The following NGEF variants were observed in gnomAD, a reference collection of about 807,000 sequenced individuals.
NGEF encodes the protein neuronal guanine nucleotide exchange factor.
Under a neutral mutation model 80.9 loss-of-function variants are expected in NGEF, and 31 were observed. That is an observed-to-expected ratio of 0.38 (90% confidence interval 0.29 to 0.52). The LOEUF (loss-of-function observed/expected upper bound fraction) is 0.52. Among genes scored for constraint, NGEF ranks in the 20% least tolerant of loss-of-function variants. NGEF has a pLI of 0.84. For missense variants in NGEF, 709 were observed against 926.2 expected, an observed-to-expected ratio of 0.77 and a Z score of 3.04; for synonymous variants, 371 against 370.2, an observed-to-expected ratio of 1.00 and a Z score of -0.03.
intron 3 of NGEF, among the ~76,000 whole-genome samples, chr2:232,935,651 G>A (rs1198033076): frequency 6.6e-6 from 1 of 152,064 alleles, no homozygotes; most frequent in Non-Finnish European, 1.5e-5. Flanking sequence ...AGACCACATA[G>A]CTAGCTAATG....
At chr2:232,986,145 C>A (rs1419521434) in intron 1 of NGEF, among the ~76,000 whole-genome samples, 3 of 151,882 alleles carry the variant, frequency 2.0e-5, no homozygotes, top group African/African-American at 7.3e-5. Context: ...TAGAAAAAGA[C>A]AAAACAATGA....
At chr2:232,948,155 G>A (rs1013064931) in intron 3 of NGEF, among the ~76,000 whole-genome samples, 3 of 147,366 alleles carry the variant, frequency 2.0e-5, no homozygotes, top group African/African-American at 7.9e-5. Flanking sequence ...AGATGTGTGT[G>A]TGTGTGTGTG....
chr2:232,924,179 G>A (rs1083518), intron 4 of NGEF, among the ~76,000 whole-genome samples: 65,756 of 151,732 alleles, frequency 0.43, 14,310 homozygotes, highest in Admixed American at 0.46. Flanking sequence ...GGAGGCTGCA[G>A]TGAGCCGAGA....
intron 1 of NGEF, among the ~76,000 whole-genome samples, chr2:232,991,132 TTTAA>T (rs1207167502): frequency 6.6e-6 from 1 of 152,098 alleles, no homozygotes; most frequent in Non-Finnish European, 1.5e-5. Flanking sequence ...AAATGCCATA[TTTAA>T]TTGTGAAAGA....
chr2:232,999,858 C>A (rs1176102744), intron 1 of NGEF, among the ~76,000 whole-genome samples: 1 of 152,204 alleles, frequency 6.6e-6, no homozygotes, highest in Non-Finnish European at 1.5e-5. Context: ...GGGTCATTTG[C>A]ATGTCGGGGT....
chr2:232,963,984 T>C lies in NGEF; in HGVS notation c.383+6230A>G, dbSNP rs576174773. ...GCACCATGAATGGCCAATAAACATA[T>C]GAAAAGGTGTTCAACATCCTTAGTT... On this transcript the variant is annotated intron_variant, in intron 3 of 14. Transcript: ENST00000264051. Among the ~76,000 whole-genome samples the C allele has an allele frequency of 1.6e-4, 24 of 152,238 alleles. No individual in the cohort carries two copies. In the South Asian group the frequency reaches 4.8e-3, roughly 30 times the overall value.
intron 1 of NGEF, among the ~76,000 whole-genome samples, chr2:232,994,425 T>G (rs544912167): frequency 3.9e-5 from 6 of 152,046 alleles, no homozygotes; most frequent in Admixed American, 3.3e-4. Context: ...ATAGAAGTTT[T>G]GAACACTGGT....
intron 5 of NGEF, 108 bp downstream of exon 5, chr2:232,920,176 C>T (rs1692906604): frequency 9.2e-7 from 1 of 1,086,816 alleles, no homozygotes; most frequent in South Asian, 1.5e-5. Flanking sequence ...AGCGATTCCT[C>T]TGGTGAACCA....
intron 5 of NGEF, among the ~76,000 whole-genome samples, chr2:232,915,919 G>A (rs1692792830): frequency 6.6e-6 from 1 of 152,108 alleles, no homozygotes; most frequent in African/African-American, 2.4e-5. Flanking sequence ...TCGAACTCCC[G>A]ACCTCAGGTG....
rs139186124 is a variant in NGEF, at chr2:232,976,705, T to C, written c.-74-1741A>G. 3.0e-3 allele frequency among the ~76,000 whole-genome samples: 454 copies of C among 152,284 alleles called. 4 individuals are homozygous for C. The highest frequency in any genetic ancestry group is 1.0e-2 in the African/African-American group (415 of 41,554). ...CTGTAAATTGTCAGCCAGGCAGAAA[T>C]GAGCATTAACGTACTCAGAGGTTGC... On this transcript the variant is annotated intron_variant, in intron 1 of 14. Coordinates refer to ENST00000264051, the MANE Select transcript of NGEF (RefSeq NM_019850.3).
intron 2 of NGEF, among the ~76,000 whole-genome samples, chr2:232,970,557 G>A (rs1047074493): frequency 6.6e-6 from 1 of 152,028 alleles, no homozygotes; most frequent in African/African-American, 2.4e-5. Context: ...GGCCGAGTGC[G>A]GTGGCTCACA....
chr2:233,006,760 G>A (rs1045307983), intron 1 of NGEF, among the ~76,000 whole-genome samples: 4 of 152,130 alleles, frequency 2.6e-5, no homozygotes, highest in Non-Finnish European at 4.4e-5. Context: ...GATCTTTACT[G>A]TACTTGTCCT....
At chr2:232,953,301 CAA>C (rs57652494) in intron 3 of NGEF, among the ~76,000 whole-genome samples, 94 of 91,222 alleles carry the variant, frequency 1.0e-3, no homozygotes, top group African/African-American at 2.4e-3. Flanking sequence ...GACTCTGTGT[CAA>C]AAAAAAAAAA....
chr2:232,920,981 A>C (rs1046287373), intron 4 of NGEF, among the ~76,000 whole-genome samples: 1 of 152,140 alleles, frequency 6.6e-6, no homozygotes, highest in Non-Finnish European at 1.5e-5. Context: ...CAACGTTTCA[A>C]TATTCAAACT....
chr2:232,983,484 G>T (rs1173468480), intron 1 of NGEF, among the ~76,000 whole-genome samples: 1 of 152,192 alleles, frequency 6.6e-6, no homozygotes, highest in Non-Finnish European at 1.5e-5. Flanking sequence ...GGGGTGCAGG[G>T]TTAGCTGAGA....
At chr2:232,952,693 C>T (rs531085848) in intron 3 of NGEF, among the ~76,000 whole-genome samples, 21 of 152,194 alleles carry the variant, frequency 1.4e-4, no homozygotes, top group Admixed American at 6.5e-4. Context: ...GTGAGCCGGG[C>T]GCAGTGACTC....
rs115416290 is a variant in NGEF, at chr2:232,982,442, A to G, written c.-74-7478T>C. Among the ~76,000 whole-genome samples, 1,509 of 152,276 alleles carry G rather than the reference A, an allele frequency of 9.9e-3. 31 individuals are homozygous for G. The highest frequency in any genetic ancestry group is 0.034 in the African/African-American group (1,419 of 41,552). ...GACTGGCTGATCCCAGATCACCTAC[A>G]TCATTTCCACATTCCTTCCTGGTCC... On this transcript the variant is annotated intron_variant, in intron 1 of 14. Transcript: ENST00000264051.
intron 3 of NGEF, 124 bp from the exon 4 acceptor site, chr2:232,927,310 G>A (rs980208667): frequency 1.1e-4 from 121 of 1,071,686 alleles, no homozygotes; most frequent in Non-Finnish European, 1.4e-4. Context: ...GACCGTCCAG[G>A]GGCAGCGGCC....
chr2:233,002,379 T>C (rs908323945), intron 1 of NGEF, among the ~76,000 whole-genome samples: 1 of 151,952 alleles, frequency 6.6e-6, no homozygotes, highest in African/African-American at 2.4e-5. Context: ...CATGGACATG[T>C]TAAAAATTGT....
Sources: gnomAD v4.1 joint callset for allele counts (sites outside exome capture counted in the v4.1 genomes callset) on GRCh38, gnomAD v4.1.1 for gene constraint, MANE v1.5 for transcripts, NCBI Gene and HGNC (gene_info 2026-07-23, HGNC 2026-07-21) for gene names.